The following FAM135B variants were observed in gnomAD, a reference collection of about 807,000 sequenced individuals.
FAM135B encodes protein FAM135B.
FAM135B carries 43 observed loss-of-function variants against 127.7 expected under a neutral mutation model. The ratio of observed to expected loss-of-function variants is 0.34; its 90% CI spans 0.26 to 0.43. The LOEUF is 0.43. FAM135B is among the 20% of genes least tolerant of loss of function. FAM135B has a pLI of 1.00. For missense variants in FAM135B, 1,558 were observed against 1,725.6 expected, an observed-to-expected ratio of 0.90 and a Z score of 1.72; for synonymous variants, 670 against 665.1, an observed-to-expected ratio of 1.01 and a Z score of -0.11.
At chr8:138,227,191 T>G (rs945507229) in intron 7 of FAM135B, among the ~76,000 whole-genome samples, 2 of 152,256 alleles carry the variant, frequency 1.3e-5, no homozygotes, top group African/African-American at 4.8e-5. Flanking sequence ...TTGACATGGC[T>G]GTTGCTAAAA....
intron 3 of FAM135B, among the ~76,000 whole-genome samples, chr8:138,273,640 T>C (rs1245972616): frequency 6.6e-6 from 1 of 152,230 alleles, no homozygotes; most frequent in East Asian, 1.9e-4. Context: ...TCAACTCCAC[T>C]GGCCTTAGTT....
intron 2 of FAM135B, among the ~76,000 whole-genome samples, chr8:138,332,027 A>C (rs867000028): frequency 2.6e-5 from 4 of 152,146 alleles, no homozygotes; most frequent in Admixed American, 6.5e-5. Flanking sequence ...TGAACTACTT[A>C]TGTTATGAAA....
chr8:138,192,860 T>C lies in FAM135B; in HGVS notation c.873+2398A>G, dbSNP rs539283654. ...TGCTAAATGAGCTCTGTCTAGGCAGTGGGTAAAATGAACCCATTGGGTGGT... is the reference window on the plus strand; with the variant it reads ...TGCTAAATGAGCTCTGTCTAGGCAGCGGGTAAAATGAACCCATTGGGTGGT... On this transcript the variant is annotated intron_variant, in intron 9 of 19. Coordinates refer to ENST00000395297, the MANE Select transcript of FAM135B (RefSeq NM_015912.4). Among the ~76,000 whole-genome samples the C allele has an allele frequency of 2.5e-3, 381 of 152,336 alleles. 1 individual carries two copies. Among genetic ancestry groups the C allele is most frequent in the African/African-American group, 8.8e-3 (366 of 41,580 alleles).
At chr8:138,239,820 TA>T (rs752872136) in intron 7 of FAM135B, among the ~76,000 whole-genome samples, 1 of 152,046 alleles carries the variant, frequency 6.6e-6, no homozygotes, top group East Asian at 1.9e-4. Context: ...TATGCAGCCA[TA>T]AAAAAGGATG....
At chr8:138,209,478 G>T (rs1305112814) in intron 7 of FAM135B, among the ~76,000 whole-genome samples, 1 of 152,192 alleles carries the variant, frequency 6.6e-6, no homozygotes, top group Non-Finnish European at 1.5e-5. Flanking sequence ...ATAACAAAGT[G>T]CAGGGAGACA....
intron 3 of FAM135B, among the ~76,000 whole-genome samples, chr8:138,281,648 C>A (rs1216761075): frequency 6.6e-6 from 1 of 152,078 alleles, no homozygotes; most frequent in East Asian, 1.9e-4. Context: ...TTCCTCTTGA[C>A]CCTCTGATAG....
chr8:138,156,200 G>T (rs1818724469), intron 12 of FAM135B, among the ~76,000 whole-genome samples: 1 of 152,088 alleles, frequency 6.6e-6, no homozygotes. Flanking sequence ...ATGACTACTG[G>T]GTTCATAATG....
chr8:138,305,137 C>T (rs1027775386), intron 3 of FAM135B, among the ~76,000 whole-genome samples: 2 of 152,200 alleles, frequency 1.3e-5, no homozygotes, highest in African/African-American at 4.8e-5. Flanking sequence ...TGTCGGTCCC[C>T]CGCCCTCTAC....
intron 1 of FAM135B, among the ~76,000 whole-genome samples, chr8:138,421,911 G>A (rs1428414693): frequency 2.0e-5 from 3 of 152,120 alleles, no homozygotes; most frequent in Non-Finnish European, 4.4e-5. Flanking sequence ...AACCAAAACA[G>A]CATGGTATGT....
At chr8:138,297,669 T>C (rs376425815) in intron 3 of FAM135B, among the ~76,000 whole-genome samples, 1 of 152,238 alleles carries the variant, frequency 6.6e-6, no homozygotes, top group East Asian at 1.9e-4. Context: ...GCTGGGAGTA[T>C]GAAGAGAAGG....
intron 9 of FAM135B, among the ~76,000 whole-genome samples, chr8:138,186,535 A>T (rs1192042869): frequency 6.6e-6 from 1 of 152,154 alleles, no homozygotes; most frequent in African/African-American, 2.4e-5. Context: ...ATTTTTGGGA[A>T]GCGGGTGTTG....
intron 1 of FAM135B, among the ~76,000 whole-genome samples, chr8:138,459,763 T>C (rs1228272936): frequency 1.3e-5 from 2 of 152,184 alleles, no homozygotes; most frequent in African/African-American, 2.4e-5. Flanking sequence ...TGGGTTTTCC[T>C]GTTTCCTCTT....
intron 7 of FAM135B, among the ~76,000 whole-genome samples, chr8:138,228,227 T>C (rs1011296301): frequency 6.6e-6 from 1 of 151,760 alleles, no homozygotes; most frequent in African/African-American, 2.4e-5. Flanking sequence ...CAGTTGGAGG[T>C]AGACATCAGA....
chr8:138,328,439 T>A (rs189741291), intron 2 of FAM135B, among the ~76,000 whole-genome samples: 24 of 152,254 alleles, frequency 1.6e-4, no homozygotes, highest in Admixed American at 1.2e-3. Context: ...AACTCCCACA[T>A]GCTTAGCTTT....
chr8:138,492,606 CT>C (rs1426386505), intron 1 of FAM135B, among the ~76,000 whole-genome samples: 1 of 152,150 alleles, frequency 6.6e-6, no homozygotes, highest in Non-Finnish European at 1.5e-5. Context: ...TCTCCCAAGC[CT>C]CAACGGACAC....
At chr8:138,144,912 C>T (rs1487581170) in intron 15 of FAM135B, among the ~76,000 whole-genome samples, 2 of 152,234 alleles carry the variant, frequency 1.3e-5, no homozygotes, top group Non-Finnish European at 2.9e-5. Context: ...ACCTCACTAG[C>T]ACAAATCACA....
chr8:138,392,887 T>C (rs771873603), intron 1 of FAM135B, among the ~76,000 whole-genome samples: 1 of 152,196 alleles, frequency 6.6e-6, no homozygotes, highest in South Asian at 2.1e-4. Flanking sequence ...GTTCTGAGAA[T>C]ACTCCTTAAT....
intron 7 of FAM135B, among the ~76,000 whole-genome samples, chr8:138,217,687 T>C (rs777398355): frequency 6.6e-6 from 1 of 152,158 alleles, no homozygotes; most frequent in Non-Finnish European, 1.5e-5. Flanking sequence ...CGCCTCAGCT[T>C]ACCAAAGTGC....
intron 7 of FAM135B, among the ~76,000 whole-genome samples, chr8:138,236,839 G>C (rs1383837472): frequency 6.6e-6 from 1 of 152,154 alleles, no homozygotes; most frequent in Non-Finnish European, 1.5e-5. Context: ...TGGATCACAG[G>C]ATCCATTAAG....
Sources: allele counts gnomAD v4.1 joint callset (sites outside exome capture counted in the v4.1 genomes callset), GRCh38; gene constraint gnomAD v4.1.1; transcripts MANE v1.5; gene names NCBI Gene and HGNC (gene_info 2026-07-23, HGNC 2026-07-21).